The following TENM2 variants were observed in gnomAD, a reference collection of about 807,000 sequenced individuals.
TENM2 encodes teneurin transmembrane protein 2, also known as teneurin-2.
TENM2 carries 52 observed loss-of-function variants against 245.2 expected under a neutral mutation model. The ratio of observed to expected loss-of-function variants is 0.21; its 90% CI spans 0.17 to 0.27. TENM2 has a LOEUF of 0.27. TENM2 is among the 10% of genes least tolerant of loss of function. TENM2 has a pLI of 1.00. For missense variants in TENM2, 3,046 were observed against 3,666.8 expected, an observed-to-expected ratio of 0.83 and a Z score of 4.37; for synonymous variants, 1,363 against 1,438.9, an observed-to-expected ratio of 0.95 and a Z score of 1.19.
At chr5:167,391,297 A>G (rs906341383) in intron 2 of TENM2, among the ~76,000 whole-genome samples, 1 of 152,110 alleles carries the variant, frequency 6.6e-6, no homozygotes. Context: ...ACAGAACTTG[A>G]TGATAGTTTG....
intron 2 of TENM2, among the ~76,000 whole-genome samples, chr5:167,586,155 T>C (rs1195661365): frequency 8.9e-6 from 1 of 112,140 alleles, no homozygotes; most frequent in Non-Finnish European, 1.9e-5. Context: ...AGTACGATAA[T>C]AAAAATAATA....
upstream of TENM2, among the ~76,000 whole-genome samples, chr5:167,282,926 T>C (rs1374101223): frequency 6.6e-6 from 1 of 152,174 alleles, no homozygotes; most frequent in Non-Finnish European, 1.5e-5. Flanking sequence ...TCAAAGGCAC[T>C]TCTGAACTTG....
At chr5:167,901,974 C>G (rs577151652) in intron 3 of TENM2, among the ~76,000 whole-genome samples, 1 of 152,248 alleles carries the variant, frequency 6.6e-6, no homozygotes, top group East Asian at 1.9e-4. Context: ...TAGAAAGCAA[C>G]GGTGTATGAG....
the TENM2 span, among the ~76,000 whole-genome samples, chr5:166,988,037 A>G: frequency 6.6e-6 from 1 of 152,176 alleles, no homozygotes; most frequent in Non-Finnish European, 1.5e-5. Flanking sequence ...TATTCTTGAA[A>G]AGCACCAGGT....
At chr5:167,257,138 C>G in the TENM2 span, among the ~76,000 whole-genome samples, 1 of 151,936 alleles carries the variant, frequency 6.6e-6, no homozygotes, top group South Asian at 2.1e-4. Context: ...GATGGAAGAG[C>G]TTAAGGCACT....
intron 2 of TENM2, among the ~76,000 whole-genome samples, chr5:167,641,704 TG>T (rs1440942858): frequency 6.6e-6 from 1 of 152,210 alleles, no homozygotes. Flanking sequence ...TCACTGAACC[TG>T]GGCTAGTTAG....
At chr5:167,371,794 C>A (rs1184660809) in intron 1 of TENM2, among the ~76,000 whole-genome samples, 1 of 151,998 alleles carries the variant, frequency 6.6e-6, no homozygotes, top group African/African-American at 2.4e-5. Flanking sequence ...CTGTTATATC[C>A]CTGATGCCTC....
chr5:167,499,870 GAGGGTA>G, intron 2 of TENM2, among the ~76,000 whole-genome samples: 1 of 149,064 alleles, frequency 6.7e-6, no homozygotes, highest in South Asian at 2.1e-4. Flanking sequence ...ATGTGTATGT[GAGGGTA>G]TATGTGTGTG....
chr5:167,476,494 T>C (rs1767385037), intron 2 of TENM2, among the ~76,000 whole-genome samples: 1 of 152,212 alleles, frequency 6.6e-6, no homozygotes, highest in Non-Finnish European at 1.5e-5. Flanking sequence ...TGGGAAACTA[T>C]TGTGCTCATG....
At chr5:168,076,500 C>T (rs3101762) in intron 7 of TENM2, among the ~76,000 whole-genome samples, 1 of 151,838 alleles carries the variant, frequency 6.6e-6, no homozygotes, top group Non-Finnish European at 1.5e-5. Context: ...CTGGGATTAC[C>T]GGCGTGAGCC....
chr5:167,593,592 T>C (rs1415085248), intron 2 of TENM2, among the ~76,000 whole-genome samples: 1 of 152,234 alleles, frequency 6.6e-6, no homozygotes, highest in Non-Finnish European at 1.5e-5. Context: ...GGCTTCTACC[T>C]ATCCGGTAAG....
chr5:167,755,808 G>T lies in TENM2; in HGVS notation c.503-120178G>T, dbSNP rs111906747. On this transcript the variant is annotated intron_variant, in intron 2 of 28. Coordinates refer to ENST00000518659, the Ensembl canonical transcript of TENM2. ...TATTTAGCATGCTGAACAGGTTTTTGTGAAACTCCTGGTGTCTTCTGCTGC... is the reference window on the plus strand; with the variant it reads ...TATTTAGCATGCTGAACAGGTTTTTTTGAAACTCCTGGTGTCTTCTGCTGC... Among the ~76,000 whole-genome samples the T allele has an allele frequency of 3.8e-4, 58 of 152,284 alleles. 1 individual carries two copies. Among genetic ancestry groups the T allele is most frequent in the African/African-American group, 1.3e-3 (56 of 41,552 alleles).
In TENM2 at chr5:168,224,056, G is replaced by A. The variant is rs538087081; in HGVS notation, c.5109-2032G>A. On this transcript the variant is annotated intron_variant, in intron 23 of 28. Transcript: ENST00000518659. Reference sequence around the variant, plus strand: ...TGGCTTCATAGGTTTCTACTTTATGGATAGATCATCAGTTATTTAATGAAT... The same window carrying A: ...TGGCTTCATAGGTTTCTACTTTATGAATAGATCATCAGTTATTTAATGAAT... 2.6e-5 allele frequency among the ~76,000 whole-genome samples: 4 copies of A among 152,290 alleles called. No homozygotes were observed. The South Asian group carries it at 6.2e-4, about 24-fold the overall frequency.
At chr5:167,217,389 T>G in the TENM2 span, among the ~76,000 whole-genome samples, 519 of 152,272 alleles carry the variant, frequency 3.4e-3, 4 homozygotes, top group African/African-American at 0.012. Flanking sequence ...GGGATCAGTC[T>G]GCAATCTTAA....
At chr5:167,827,455 A>G (rs951622714) in intron 2 of TENM2, among the ~76,000 whole-genome samples, 6 of 152,152 alleles carry the variant, frequency 3.9e-5, no homozygotes, top group African/African-American at 1.4e-4. Context: ...ATTAACATCT[A>G]TTCAGAACAG....
chr5:167,455,057 A>G (rs1002565798), intron 2 of TENM2, among the ~76,000 whole-genome samples: 1 of 152,228 alleles, frequency 6.6e-6, no homozygotes, highest in African/African-American at 2.4e-5. Context: ...TCAATATATG[A>G]TCAAGAATTA....
At chr5:167,468,375 G>A (rs1766804657) in intron 2 of TENM2, among the ~76,000 whole-genome samples, 1 of 152,184 alleles carries the variant, frequency 6.6e-6, no homozygotes, top group Admixed American at 6.5e-5. Flanking sequence ...GCTACTCTTA[G>A]AAGTTAAGCA....
chr5:168,253,424 ATT>A (rs200574779), intron 27 of TENM2, among the ~76,000 whole-genome samples: 2 of 139,840 alleles, frequency 1.4e-5, no homozygotes, highest in Non-Finnish European at 3.1e-5. Flanking sequence ...TGCATTCATT[ATT>A]TTATTTTTTT....
At chr5:167,298,658 A>G (rs1397249056) in intron 1 of TENM2, among the ~76,000 whole-genome samples, 1 of 149,038 alleles carries the variant, frequency 6.7e-6, no homozygotes, top group East Asian at 1.9e-4. Context: ...AGAGAAGGAG[A>G]AAAACAGGTA....
Sources: allele counts gnomAD v4.1 joint callset (sites outside exome capture counted in the v4.1 genomes callset), GRCh38; gene constraint gnomAD v4.1.1; transcripts MANE v1.5; gene names NCBI Gene and HGNC (gene_info 2026-07-23, HGNC 2026-07-21).